The following HDAC9 variants were observed in gnomAD, a reference collection of about 807,000 sequenced individuals.
HDAC9 encodes MEF-2 interacting transcription repressor (MITR) protein.
In HDAC9, 41 loss-of-function variants were observed where a neutral mutation model predicts 139.4. That is an observed-to-expected ratio of 0.29 (90% CI 0.23 to 0.38). HDAC9 has a LOEUF of 0.38. HDAC9 is among the 10% of genes least tolerant of loss of function. HDAC9 has a pLI of 1.00. For missense variants in HDAC9, 1,147 were observed against 1,297.0 expected, an observed-to-expected ratio of 0.88 and a Z score of 1.78; for synonymous variants, 517 against 476.2, an observed-to-expected ratio of 1.09 and a Z score of -1.12.
chr7:18,576,367 A>G (rs1051951155), intron 2 of HDAC9, among the ~76,000 whole-genome samples: 4 of 152,154 alleles, frequency 2.6e-5, no homozygotes, highest in Non-Finnish European at 5.9e-5. Flanking sequence ...TTCAAAAACT[A>G]TTTAGGAGTA....
At chr7:18,362,050 G>A (rs532562890) in intron 1 of HDAC9, among the ~76,000 whole-genome samples, 3 of 152,190 alleles carry the variant, frequency 2.0e-5, no homozygotes, top group African/African-American at 4.8e-5. Context: ...AGTCACCAGA[G>A]GGGGAGCAAA....
chr7:18,858,460 G>A (rs1258173530), intron 21 of HDAC9, among the ~76,000 whole-genome samples: 1 of 152,092 alleles, frequency 6.6e-6, no homozygotes, highest in Non-Finnish European at 1.5e-5. Context: ...AATATCACAG[G>A]AACAGGATAG....
intron 16 of HDAC9, 43 bp downstream of exon 16, chr7:18,767,198 A>AC (rs1789904330): frequency 8.7e-7 from 1 of 1,154,358 alleles, no homozygotes; most frequent in South Asian, 1.5e-5. Context: ...ACATAAAATT[A>AC]CAAAAAAAAA....
In HDAC9 at chr7:18,210,460, T is replaced by A. The variant is rs147495966; in HGVS notation, c.25+48111T>A. 7.4e-4 allele frequency among the ~76,000 whole-genome samples: 112 copies of A among 152,324 alleles called. 2 individuals are homozygous for A. The East Asian group carries it at 0.021, about 28-fold the overall frequency. ...CATAACTTTTAATATTTTTCAAATATAACTCGCATTTTACCTTTAGAACTA... is the reference window on the plus strand; with the variant it reads ...CATAACTTTTAATATTTTTCAAATAAAACTCGCATTTTACCTTTAGAACTA... On this transcript the variant is annotated intron_variant, in intron 2 of 12. Transcript: ENST00000417496.
chr7:18,990,472 A>G (rs1007375624), intron 25 of HDAC9, among the ~76,000 whole-genome samples: 10 of 152,150 alleles, frequency 6.6e-5, no homozygotes, highest in Non-Finnish European at 1.3e-4. Flanking sequence ...AGGGACATTT[A>G]AGTCTGCAGA....
intron 1 of HDAC9, among the ~76,000 whole-genome samples, chr7:18,441,799 C>G (rs1209530120): frequency 2.6e-5 from 4 of 152,316 alleles, no homozygotes; most frequent in African/African-American, 9.6e-5. Context: ...GACGGAGTCT[C>G]ACTCTGTCGC....
chr7:18,870,463 G>T (rs985201591), intron 21 of HDAC9, among the ~76,000 whole-genome samples: 1 of 152,100 alleles, frequency 6.6e-6, no homozygotes, highest in African/African-American at 2.4e-5. Context: ...GGACTGCTTT[G>T]CCTTTAATGC....
chr7:18,847,924 C>T (rs1002323686), intron 21 of HDAC9, among the ~76,000 whole-genome samples: 9 of 152,108 alleles, frequency 5.9e-5, no homozygotes, highest in African/African-American at 2.2e-4. Flanking sequence ...AAGTCATGAG[C>T]GATTCTATCA....
chr7:18,387,125 A>T (rs1786011506), intron 1 of HDAC9, among the ~76,000 whole-genome samples: 1 of 152,186 alleles, frequency 6.6e-6, no homozygotes, highest in South Asian at 2.1e-4. Flanking sequence ...TCTCCTGCTC[A>T]AAGAGGGCTT....
At chr7:18,850,448 C>T (rs763410702) in intron 21 of HDAC9, among the ~76,000 whole-genome samples, 1 of 152,186 alleles carries the variant, frequency 6.6e-6, no homozygotes, top group Non-Finnish European at 1.5e-5. Context: ...AATAAACCTA[C>T]AGAATGCTTT....
chr7:18,720,498 A>C (rs531639695), intron 12 of HDAC9, among the ~76,000 whole-genome samples: 11 of 151,978 alleles, frequency 7.2e-5, no homozygotes, highest in African/African-American at 2.4e-4. Flanking sequence ...TTTTAAAGAC[A>C]AAATATACTT....
chr7:18,353,075 T>C (rs1170792928), intron 1 of HDAC9, among the ~76,000 whole-genome samples: 2 of 152,198 alleles, frequency 1.3e-5, no homozygotes, highest in Non-Finnish European at 1.5e-5. Flanking sequence ...TCATGTGCTA[T>C]TGTATTACAA....
chr7:18,136,962 T>C (rs1266931296), intron 1 of HDAC9, among the ~76,000 whole-genome samples: 2 of 147,780 alleles, frequency 1.4e-5, no homozygotes, highest in Non-Finnish European at 3.0e-5. Context: ...CATTTGTTTG[T>C]ATCCTCTTTT....
chr7:18,349,215 C>T (rs1782657406), intron 1 of HDAC9, among the ~76,000 whole-genome samples: 1 of 151,568 alleles, frequency 6.6e-6, no homozygotes, highest in Non-Finnish European at 1.5e-5. Context: ...GGTCCCTGTG[C>T]TTGAAACTGT....
intron 6 of HDAC9, among the ~76,000 whole-genome samples, chr7:18,598,771 A>C (rs1267742503): frequency 6.6e-6 from 1 of 152,204 alleles, no homozygotes; most frequent in Non-Finnish European, 1.5e-5. Flanking sequence ...CAAACTAATA[A>C]AAAGGTGATC....
At chr7:18,968,449 T>C (rs1388230817) in intron 24 of HDAC9, among the ~76,000 whole-genome samples, 1 of 152,038 alleles carries the variant, frequency 6.6e-6, no homozygotes, top group Non-Finnish European at 1.5e-5. Context: ...AGATATATGA[T>C]ACAGAGAGAG....
chr7:18,350,823 C>T (rs1394064535), intron 1 of HDAC9, among the ~76,000 whole-genome samples: 1 of 152,178 alleles, frequency 6.6e-6, no homozygotes, highest in African/African-American at 2.4e-5. Flanking sequence ...GCTGTGACCC[C>T]TGTCTAATCC....
At chr7:18,708,061 C>T (rs1711011293) in intron 12 of HDAC9, among the ~76,000 whole-genome samples, 1 of 151,996 alleles carries the variant, frequency 6.6e-6, no homozygotes, top group African/African-American at 2.4e-5. Context: ...GTGGGATTAG[C>T]CTTGGCTAAG....
intron 1 of HDAC9, among the ~76,000 whole-genome samples, chr7:18,470,066 G>A (rs574558637): frequency 6.6e-6 from 1 of 152,192 alleles, no homozygotes; most frequent in Middle Eastern, 3.4e-3. Flanking sequence ...GGCCAGGCAT[G>A]GTGGCTCTCA....
Sources: allele counts gnomAD v4.1 joint callset (sites outside exome capture counted in the v4.1 genomes callset), GRCh38; gene constraint gnomAD v4.1.1; transcripts MANE v1.5; gene names NCBI Gene and HGNC (gene_info 2026-07-23, HGNC 2026-07-21).